ZBTB38: variants seen among roughly 807,000 people sequenced by gnomAD.
The protein encoded by ZBTB38 is zinc finger and BTB domain containing 38.
A neutral mutation model predicts 76.8 loss-of-function variants in ZBTB38; 20 were observed. The ratio of observed to expected loss-of-function variants is 0.26; its 90% confidence interval spans 0.18 to 0.38. The LOEUF is 0.38. Among genes scored for constraint, ZBTB38 ranks in the 10% least tolerant of loss-of-function variants. The pLI is 1.00. For synonymous variants in ZBTB38, 504 were observed against 544.2 expected (o/e 0.93, Z 1.03); for missense variants, 1,082 against 1,482.3 (o/e 0.73, Z 4.43).
chr3:141,444,115 C>A lies in ZBTB38; in HGVS notation c.1727C>A (p.Ala576Asp), dbSNP rs780678865. ...YRLLPMKCKR[A>D]PYKSYRNSSY... ...CTACTGCCTATGAAATGCAAGAGAG[C>A]CCCTTATAAGAGCTACCGAAATTCT... Residue 576 changes from alanine to aspartate, a missense_variant, in exon 6 of 6, where the codon GCC (alanine) becomes GAC (aspartate). By Grantham distance (126) the Ala-to-Asp change is moderately radical (BLOSUM62 -2). Around this residue, in one of 8 missense-constraint regions of ZBTB38, gnomAD observed 471 missense variants for 581.0 expected, o/e 0.81. Transcript: ENST00000321464. This position sits in a 1 kb window ranked among gnomAD's most constrained non-coding sequence, Gnocchi z 5.1. The A allele has an allele frequency of 6.2e-7, 1 of 1,613,864 alleles. No individual in the cohort carries two copies. The highest frequency in any genetic ancestry group is 8.5e-7 in the Non-Finnish European group (1 of 1,179,936).
intron 4 of ZBTB38, among the ~76,000 whole-genome samples, chr3:141,399,589 C>T (rs1951239276): frequency 6.6e-6 from 1 of 151,966 alleles, no homozygotes; most frequent in African/African-American, 2.4e-5. Flanking sequence ...GGTGAGAACC[C>T]AGGTTGAGGG....
intron 1 of ZBTB38, among the ~76,000 whole-genome samples, chr3:141,362,340 A>G (rs1943846727): frequency 6.6e-6 from 1 of 152,174 alleles, no homozygotes; most frequent in Admixed American, 6.6e-5. Flanking sequence ...ATGAGTGAGG[A>G]TGGGCCATTG....
In ZBTB38 at chr3:141,368,550, G is replaced by C. The variant is rs1312210181; in HGVS notation, c.-564G>C. On this transcript the variant is annotated 5_prime_UTR_variant, in exon 1 of 6. Coordinates refer to ENST00000321464, the MANE Select transcript of ZBTB38 (RefSeq NM_001376113.1). ...GCTGCAGCAAATCTCAAAATAAAGA[G>C]GCAACGGCCTTTCTCTTCCTCTCCA... 2 of 152,154 alleles carry C rather than the reference G, an allele frequency of 1.3e-5. No individual in the cohort carries two copies. The highest frequency in any genetic ancestry group is 2.9e-5 in the Non-Finnish European group (2 of 68,048). The allele number at this position is 152,154 out of a possible 1,614,324, so 9.4% of individuals were successfully genotyped here. A position where few individuals can be genotyped will look rare whatever the true frequency, so the allele number is the denominator to read the frequency against.
chr3:141,328,668 A>G (rs1942749393), intron 1 of ZBTB38, among the ~76,000 whole-genome samples: 1 of 152,022 alleles, frequency 6.6e-6, no homozygotes, highest in African/African-American at 2.4e-5. Flanking sequence ...CCCCACACAG[A>G]GCGTCTCTAA....
intron 1 of ZBTB38, 107 bp downstream of exon 1, chr3:141,368,911 G>A (rs1944121413): frequency 6.6e-6 from 1 of 151,232 alleles, no homozygotes; most frequent in South Asian, 2.1e-4. Context: ...CCCAGAGTTG[G>A]GAGTAGGGAC....
At chr3:141,351,560 C>G (rs1440601204) in intron 1 of ZBTB38, among the ~76,000 whole-genome samples, 2 of 151,460 alleles carry the variant, frequency 1.3e-5, no homozygotes, top group African/African-American at 4.9e-5. Flanking sequence ...CATAGTGACC[C>G]TGTCACTACA....
rs1426858688 is a variant in ZBTB38 at position 141,445,879 on chromosome 3, A to G, written c.3491A>G (p.Glu1164Gly). ...QQEKIGDVCH[E>G]NSNPLENQHF... ...GAGAAAATAGGTGACGTGTGCCACG[A>G]AAACTCAAATCCCTTGGAGAATCAA... The change falls in exon 6 of 6, where the codon GAA becomes GGA. Residue 1164 changes from glutamate (E) to glycine (G), a missense_variant. By Grantham distance (98) the Glu-to-Gly change is moderately conservative (BLOSUM62 -2). Around this residue, in one of 8 missense-constraint regions of ZBTB38, gnomAD observed 54 missense variants for 57.9 expected, o/e 0.93. Coordinates refer to ENST00000321464, the MANE Select transcript of ZBTB38 (RefSeq NM_001376113.1). This position sits in a 1 kb window ranked among gnomAD's most constrained non-coding sequence, Gnocchi z 6.5. 1.2e-6 allele frequency: 2 copies of G among 1,612,142 alleles called. No homozygotes were observed. The highest frequency in any genetic ancestry group is 2.7e-5 in the African/African-American group (2 of 74,950).
intron 4 of ZBTB38, chr3:141,387,427 T>C (rs999599148): frequency 2.0e-5 from 3 of 152,238 alleles, no homozygotes; most frequent in Admixed American, 1.3e-4. Flanking sequence ...GAAACTTACA[T>C]GTTTATTATG....
At chr3:141,360,734 G>T (rs1250251015) in intron 1 of ZBTB38, among the ~76,000 whole-genome samples, 2 of 151,962 alleles carry the variant, frequency 1.3e-5, no homozygotes, top group African/African-American at 4.8e-5. Flanking sequence ...GTTGTGTTGG[G>T]GTCGGGGGGC....
rs548199898 is a variant in ZBTB38 at position 141,413,315 on chromosome 3, C to T, written c.-1+9284C>T. The stretch of plus-strand genomic sequence containing the variant: ...CCTCACACCCCAGACGGTCAGAATG[C>T]TCCCCAGACTGAGGAATCAGCTGCA... On this transcript the variant is annotated intron_variant, in intron 5 of 5. Coordinates refer to ENST00000321464, the MANE Select transcript of ZBTB38 (RefSeq NM_001376113.1). The surrounding 1 kb of genome is among the most constrained non-coding windows in gnomAD (Gnocchi z 4.1). Among the ~76,000 whole-genome samples, 56 of 152,282 alleles carry T rather than the reference C, an allele frequency of 3.7e-4. No homozygotes were observed. The highest frequency in any genetic ancestry group is 6.0e-4 in the Non-Finnish European group (41 of 68,016).
At chr3:141,421,879 G>C (rs1419789996) in intron 5 of ZBTB38, among the ~76,000 whole-genome samples, 1 of 152,258 alleles carries the variant, frequency 6.6e-6, no homozygotes. Flanking sequence ...CTTGGGGCTG[G>C]ATGACTGGCT....
At chr3:141,350,429 A>C (rs1943483916) in intron 1 of ZBTB38, among the ~76,000 whole-genome samples, 1 of 152,004 alleles carries the variant, frequency 6.6e-6, no homozygotes, top group African/African-American at 2.4e-5. Context: ...CTTTGTCATC[A>C]TTTTATCCCT....
intron 4 of ZBTB38, among the ~76,000 whole-genome samples, chr3:141,397,801 C>A (rs979322666): frequency 2.6e-5 from 4 of 152,182 alleles, no homozygotes; most frequent in African/African-American, 9.7e-5. Context: ...TGGTTCATGG[C>A]ACCCCAAAGC....
At chr3:141,330,481 C>T (rs547244646) in intron 1 of ZBTB38, among the ~76,000 whole-genome samples, 1 of 152,322 alleles carries the variant, frequency 6.6e-6, no homozygotes, top group Admixed American at 6.5e-5. Flanking sequence ...CATTCTCAGC[C>T]ACCCTGTGGA....
intron 2 of ZBTB38, among the ~76,000 whole-genome samples, chr3:141,373,297 G>C (rs1357517822): frequency 6.6e-6 from 1 of 152,136 alleles, no homozygotes; most frequent in African/African-American, 2.4e-5. Context: ...TTTCACATGG[G>C]AGTAATAATT....
At chr3:141,371,051 T>A (rs1262481622) in intron 2 of ZBTB38, among the ~76,000 whole-genome samples, 1 of 118,408 alleles carries the variant, frequency 8.4e-6, no homozygotes, top group East Asian at 2.1e-4. Context: ...CTTTCTTTTT[T>A]TTTTTTTTTT....
In ZBTB38 at chr3:141,424,651, T is replaced by C. The variant is rs535824048; in HGVS notation, c.1-17738T>C. Among the ~76,000 whole-genome samples the C allele has an allele frequency of 4.0e-4, 60 of 150,678 alleles. No homozygotes were observed. In the East Asian group the frequency reaches 0.01, roughly 26 times the overall value. On this transcript the variant is annotated intron_variant, in intron 5 of 5. Transcript: ENST00000321464. ...AAATGCCTGTATGTGTGTGTGTGCG[T>C]GTGTGTGTGTGTGTGGTGGCCAAAG...
Position 141,443,533 on chromosome 3 carries a change from C to T in ZBTB38, c.1145C>T (p.Thr382Ile). The change falls in exon 6 of 6, where the codon ACC (threonine) becomes ATC (isoleucine). Residue 382 changes from threonine (T) to isoleucine (I), a missense_variant. By Grantham distance (89) the Thr-to-Ile change is moderately conservative (BLOSUM62 -1). This residue lies in a region of ZBTB38 where 324 missense variants were observed against 359.1 expected (regional missense o/e 0.90). Transcript: ENST00000321464. The surrounding 1 kb of genome is among the most constrained non-coding windows in gnomAD (Gnocchi z 5.6). ...AAGTATTGCAACAAACAATTCACCA[C>T]CCTGAACAGGTTGGATCGGCATGAA... ...VCKYCNKQFT[T>I]LNRLDRHEQI... is the part of the protein sequence containing the mutation. The T allele has an allele frequency of 1.2e-6, 2 of 1,614,182 alleles. No homozygotes were observed. Among genetic ancestry groups the T allele is most frequent in the Non-Finnish European group, 1.7e-6 (2 of 1,180,050 alleles).
At chr3:141,346,450 C>G (rs1287250661) in intron 1 of ZBTB38, among the ~76,000 whole-genome samples, 1 of 152,170 alleles carries the variant, frequency 6.6e-6, no homozygotes, top group Admixed American at 6.5e-5. Context: ...TCCTTTCCTC[C>G]CTTCTACCCA....
Sources: gnomAD v4.1 joint callset for allele counts (sites outside exome capture counted in the v4.1 genomes callset) on GRCh38, gnomAD v4.1.1 for gene constraint, gnomAD v4.1.1 regional missense constraint, Gnocchi (gnomAD v3.1) non-coding constraint, MANE v1.5 for transcripts, NCBI Gene and HGNC (gene_info 2026-07-23, HGNC 2026-07-21) for gene names.